The following LATS2 variants were observed in gnomAD, a reference collection of about 807,000 sequenced individuals.
LATS2 encodes serine/threonine-protein kinase LATS2.
LATS2 carries 24 observed loss-of-function variants against 76.0 expected under a neutral mutation model. That is an observed-to-expected ratio of 0.32 (90% CI 0.23 to 0.44). LATS2 has a LOEUF of 0.44. Ranked by LOEUF, LATS2 falls within the 20% of genes least tolerant of loss-of-function variation. The pLI is 1.00. For missense variants in LATS2, 1,286 were observed against 1,481.2 expected (o/e 0.87, Z 2.16); for synonymous variants, 692 against 635.4 (o/e 1.09, Z -1.34).
intron 1 of LATS2, among the ~76,000 whole-genome samples, chr13:21,054,364 T>C (rs1873378679): frequency 1.3e-5 from 2 of 152,118 alleles, no homozygotes; most frequent in South Asian, 4.1e-4. Context: ...GCCGAGGTCA[T>C]TCCACTGCAC....
chr13:20,988,098 GCGCTTTTGCGGCTCTTGT>G lies in LATS2; in HGVS notation c.1664_1681del (p.Asp555_Ser560del), dbSNP rs774333346. 1 of 1,614,272 alleles carries G rather than the reference GCGCTTTTGCGGCTCTTGT, an allele frequency of 6.2e-7. No individual in the cohort carries two copies. Among genetic ancestry groups the G allele is most frequent in the Admixed American group, 1.7e-5 (1 of 60,036 alleles). ...ATCCTTTCCGCCTTTGTCCCCCTTG[GCGCTTTTGCGGCTCTTGT>G]CGCCGCCCTCGGGCTCGTTGGGGCC... On this transcript the variant is annotated inframe_deletion, in exon 4 of 8. Coordinates refer to ENST00000382592, the MANE Select transcript of LATS2 (RefSeq NM_014572.3).
chr13:21,021,541 T>C (rs1484222769), intron 2 of LATS2, among the ~76,000 whole-genome samples: 2 of 146,448 alleles, frequency 1.4e-5, no homozygotes, highest in South Asian at 4.3e-4. Context: ...CACGTTTAAG[T>C]TTCTGGAGAA....
Position 20,988,738 on chromosome 13 carries a change from G to A in LATS2, c.1042C>T (p.Leu348Phe). The part of the protein sequence containing the change: ...FASDSPPQSL[L>F]TPSRNSLNVD... ...TTGAGGCTGTTCCGCGAGGGAGTGA[G>A]CAGGCTCTGCGGGGGGCTGTCGCTG... Residue 348 changes from leucine (L) to phenylalanine (F), a missense_variant, in exon 4 of 8, where the codon CTC (leucine) becomes TTC (phenylalanine). By Grantham distance (22) the Leu-to-Phe change is conservative. Coordinates refer to ENST00000382592, the MANE Select transcript of LATS2 (RefSeq NM_014572.3). The A allele has an allele frequency of 6.4e-7, 1 of 1,571,298 alleles. No individual in the cohort carries two copies. Among genetic ancestry groups the A allele is most frequent in the Non-Finnish European group, 8.6e-7 (1 of 1,165,594 alleles).
intron 2 of LATS2, among the ~76,000 whole-genome samples, chr13:21,037,206 A>G (rs992254868): frequency 1.3e-5 from 2 of 152,188 alleles, no homozygotes; most frequent in Non-Finnish European, 2.9e-5. Flanking sequence ...GGAGTTCTAG[A>G]CCAGCCTGGC....
chr13:21,006,542 A>C (rs1871274366), intron 2 of LATS2, among the ~76,000 whole-genome samples: 1 of 152,224 alleles, frequency 6.6e-6, no homozygotes, highest in South Asian at 2.1e-4. Flanking sequence ...TGAACAGATT[A>C]AATGTGACTC....
In LATS2 at chr13:20,988,218, T is replaced by G. The variant is rs1870264047; in HGVS notation, c.1562A>C (p.His521Pro). 1 of 1,609,764 alleles carries G rather than the reference T, an allele frequency of 6.2e-7. No individual in the cohort carries two copies. Among genetic ancestry groups the G allele is most frequent in the African/African-American group, 1.3e-5 (1 of 74,844 alleles). ...CTCCGACTTGCTGCGCAGCAGCAGG[T>G]GCTTCGGGTAGGGCGGAGGCGGGCA... The part of the protein sequence containing the change: ...RRCPPPPYPK[H>P]LLLRSKSEQY... The change falls in exon 4 of 8, where the codon CAC becomes CCC. Residue 521 changes from histidine to proline, a missense_variant. By Grantham distance (77) the His-to-Pro change is moderately conservative (BLOSUM62 -2). This residue lies in a region of LATS2 where 710 missense variants were observed against 660.9 expected (regional missense o/e 1.07). Transcript: ENST00000382592.
At chr13:21,023,402 T>G (rs949279535) in intron 2 of LATS2, among the ~76,000 whole-genome samples, 13 of 151,694 alleles carry the variant, frequency 8.6e-5, no homozygotes, top group Non-Finnish European at 1.8e-4. Flanking sequence ...TCTTAAAAGT[T>G]GGAAAGACAT....
intron 4 of LATS2, 88 bp from the exon 5 acceptor site, chr13:20,983,894 A>G: frequency 1.0e-6 from 1 of 966,608 alleles, no homozygotes. Flanking sequence ...CCTGGAACTG[A>G]GAGGAACCTA....
chr13:20,994,807 G>T (rs1870673887), intron 2 of LATS2, among the ~76,000 whole-genome samples: 1 of 151,148 alleles, frequency 6.6e-6, no homozygotes, highest in Non-Finnish European at 1.5e-5. Flanking sequence ...AGGATTGCTT[G>T]AGTCCAGGAA....
intron 2 of LATS2, among the ~76,000 whole-genome samples, chr13:21,007,668 G>GTA (rs1289642643): frequency 7.9e-4 from 1 of 1,266 alleles, no homozygotes; most frequent in Non-Finnish European, 1.5e-3. Flanking sequence ...TATATAGTGT[G>GTA]TATATATATA....
chr13:21,005,467 A>G (rs1484410294), intron 2 of LATS2: 2 of 152,282 alleles, frequency 1.3e-5, no homozygotes, highest in African/African-American at 2.4e-5. Context: ...TCCAGGGTCA[A>G]AAAAGGGCTT....
At position 21,060,844 on chromosome 13, in the gene LATS2, G is replaced by A. The variant is rs370681584; in HGVS notation, c.-205+502C>T. On this transcript the variant is annotated intron_variant, in intron 1 of 7. Coordinates refer to ENST00000382592, the MANE Select transcript of LATS2 (RefSeq NM_014572.3). ...ATGGCCCCGGATCCGTGGGACCGCT[G>A]CGCCGCCGGACCGGGGGTCCCGAGG... Among the ~76,000 whole-genome samples the A allele has an allele frequency of 6.7e-4, 102 of 151,564 alleles. 2 individuals carry two copies. In the East Asian group the frequency reaches 0.017, roughly 26 times the overall value.
intron 3 of LATS2, among the ~76,000 whole-genome samples, 196 bp from the exon 4 acceptor site, chr13:20,989,500 T>A (rs916176657): frequency 5.3e-5 from 8 of 152,050 alleles, no homozygotes; most frequent in African/African-American, 1.7e-4. Context: ...GTTGCCCTAA[T>A]GTGTTAGCAG....
rs1191268083 is a variant in LATS2, at chr13:20,988,137, G to A, written c.1643C>T (p.Pro548Leu). The part of the protein sequence containing the change: ...AGMEQSLRAG[P>L]NEPEGGDKSR... ...CTTGTCGCCGCCCTCGGGCTCGTTG[G>A]GGCCCGCACGGAGGCTCTGCTCCAT... is the stretch of plus-strand genomic sequence containing the variant. The change falls in exon 4 of 8, where the codon CCC becomes CTC. Residue 548 changes from proline (P) to leucine (L), a missense_variant. Physicochemically the swap from Pro to Leu is moderately conservative, Grantham distance 98. Coordinates refer to ENST00000382592, the MANE Select transcript of LATS2 (RefSeq NM_014572.3). The A allele has an allele frequency of 6.2e-7, 1 of 1,614,062 alleles. No individual in the cohort carries two copies. The highest frequency in any genetic ancestry group is 2.2e-5 in the East Asian group (1 of 44,888).
At chr13:21,043,077 T>C (rs1872941072) in intron 2 of LATS2, among the ~76,000 whole-genome samples, 2 of 152,032 alleles carry the variant, frequency 1.3e-5, no homozygotes, top group South Asian at 4.1e-4. Flanking sequence ...CGCACGCCTG[T>C]AATCCCAGCA....
chr13:20,988,958 G>A lies in LATS2; in HGVS notation c.822C>T (p.Ser274=). Residue 274 remains serine (S), a synonymous_variant, in exon 4 of 8, where the codon TCC becomes TCT. Coordinates refer to ENST00000382592, the MANE Select transcript of LATS2 (RefSeq NM_014572.3). The stretch of plus-strand genomic sequence containing the variant: ...TCTCCGGCGGCGTCTTGCTCTGGAA[G>A]GAGGGGCTGCGCTGCACTCCGTAGC... The part of the protein sequence containing the change: ...PLGYGVQRSP[S]FQSKTPPETG... 6.5e-7 allele frequency: 1 copy of A among 1,537,166 alleles called. No individual in the cohort carries two copies.
At position 20,975,343 on chromosome 13, in the gene LATS2, G is replaced by T; in HGVS notation, c.2794C>A (p.Leu932Ile). 2 of 1,574,674 alleles carry T rather than the reference G, an allele frequency of 1.3e-6. No individual in the cohort carries two copies. The highest frequency in any genetic ancestry group is 1.7e-6 in the Non-Finnish European group (2 of 1,160,914). ...AGCTTCACCTGGGCTGGAATGTGGA[G>T]CGTGTTCTCCCAGTTGATCACCTGA... is the stretch of plus-strand genomic sequence containing the variant. ...QLKVINWENT[L>I]HIPAQVKLSP... Residue 932 changes from leucine to isoleucine, a missense_variant, in exon 8 of 8, where the codon CTC becomes ATC. Physicochemically the swap from Leu to Ile is conservative, Grantham distance 5. Coordinates refer to ENST00000382592, the MANE Select transcript of LATS2 (RefSeq NM_014572.3).
chr13:20,984,679 CACAA>C (rs1439637564), intron 4 of LATS2, among the ~76,000 whole-genome samples: 1 of 152,018 alleles, frequency 6.6e-6, no homozygotes, highest in African/African-American at 2.4e-5. Context: ...CTAAAGAGGA[CACAA>C]ACAAATGAAA....
At chr13:21,023,846 G>A (rs1035064635) in intron 2 of LATS2, among the ~76,000 whole-genome samples, 3 of 151,672 alleles carry the variant, frequency 2.0e-5, no homozygotes, top group African/African-American at 7.3e-5. Flanking sequence ...GGTGGCGCAT[G>A]CCTATAATTT....
Sources: gnomAD v4.1 joint callset for allele counts (sites outside exome capture counted in the v4.1 genomes callset) on GRCh38, gnomAD v4.1.1 for gene constraint, gnomAD v4.1.1 regional missense constraint, MANE v1.5 for transcripts, NCBI Gene and HGNC (gene_info 2026-07-23, HGNC 2026-07-21) for gene names.